The following PCDH15 variants were observed in gnomAD, a reference collection of about 807,000 sequenced individuals.
The protein encoded by PCDH15 is protocadherin related 15.
In PCDH15, 129 loss-of-function variants were observed where a neutral mutation model predicts 178.5. That is an observed-to-expected ratio of 0.72 (90% CI 0.63 to 0.84). The LOEUF (loss-of-function observed/expected upper bound fraction) is 0.84. Among genes scored for constraint, PCDH15 ranks in the 40% least tolerant of loss-of-function variants. The pLI is 0.00. For synonymous variants in PCDH15, 800 were observed against 732.0 expected, an observed-to-expected ratio of 1.09 and a Z score of -1.50; for missense variants, 2,230 against 2,099.9, an observed-to-expected ratio of 1.06 and a Z score of -1.21.
chr10:54,253,175 A>G (rs1017419587), intron 8 of PCDH15, among the ~76,000 whole-genome samples: 5 of 152,122 alleles, frequency 3.3e-5, no homozygotes, highest in African/African-American at 1.2e-4. Flanking sequence ...AGAACTGGAG[A>G]AAATTTAAAA....
intron 21 of PCDH15, among the ~76,000 whole-genome samples, chr10:53,971,854 T>C (rs575778132): frequency 1.3e-5 from 2 of 152,220 alleles, no homozygotes; most frequent in South Asian, 2.1e-4. Context: ...ATGAAAATGG[T>C]CATACTGCCC....
chr10:54,842,102 C>T (rs533913862), intron 3 of PCDH15, among the ~76,000 whole-genome samples: 3 of 151,650 alleles, frequency 2.0e-5, no homozygotes, highest in African/African-American at 7.2e-5. Flanking sequence ...TCTTATGTAA[C>T]TACAAAATTC....
intron 2 of PCDH15, among the ~76,000 whole-genome samples, chr10:55,470,702 T>G (rs1231302106): frequency 6.6e-6 from 1 of 152,192 alleles, no homozygotes; most frequent in African/African-American, 2.4e-5. Context: ...AGTTGACTCT[T>G]GCTGTTGTAC....
intron 21 of PCDH15, among the ~76,000 whole-genome samples, chr10:53,971,048 G>T (rs989773133): frequency 6.6e-6 from 1 of 152,088 alleles, no homozygotes; most frequent in African/African-American, 2.4e-5. Flanking sequence ...ACAAAATACT[G>T]GAAAACCAAA....
intron 18 of PCDH15, among the ~76,000 whole-genome samples, chr10:54,054,833 C>G (rs1046075643): frequency 8.6e-5 from 13 of 151,810 alleles, no homozygotes; most frequent in Non-Finnish European, 1.8e-4. Context: ...TTTTCTTTAT[C>G]AGAATGAGTT....
intron 18 of PCDH15, among the ~76,000 whole-genome samples, chr10:54,031,860 G>A (rs1030159980): frequency 1.3e-5 from 2 of 152,032 alleles, no homozygotes; most frequent in Non-Finnish European, 2.9e-5. Flanking sequence ...TTCATTAAAT[G>A]TATTTACATA....
At chr10:54,646,550 C>T (rs751302847) in intron 2 of PCDH15, among the ~76,000 whole-genome samples, 8 of 152,152 alleles carry the variant, frequency 5.3e-5, no homozygotes, top group Non-Finnish European at 1.2e-4. Context: ...CATCATTGTA[C>T]TTTTGTGATT....
chr10:55,147,125 T>C (rs1936467), intron 2 of PCDH15, among the ~76,000 whole-genome samples: 136,182 of 151,300 alleles, frequency 0.9, 61,996 homozygotes, highest in Non-Finnish European at 0.97. Flanking sequence ...TAATGATTAA[T>C]GAAAGAAGAT....
chr10:54,920,237 G>A (rs535730030), intron 2 of PCDH15, among the ~76,000 whole-genome samples: 47 of 152,156 alleles, frequency 3.1e-4, no homozygotes, highest in African/African-American at 9.9e-4. Flanking sequence ...TTGGGAGGCC[G>A]AGGCGGGCAG....
intron 1 of PCDH15, among the ~76,000 whole-genome samples, chr10:55,201,995 C>T (rs2132159747): frequency 6.6e-6 from 1 of 152,062 alleles, no homozygotes; most frequent in South Asian, 2.1e-4. Context: ...TAGTAATTTC[C>T]TTGAAAGTGT....
At chr10:55,147,946 T>C (rs951905663) in intron 2 of PCDH15, among the ~76,000 whole-genome samples, 20 of 151,854 alleles carry the variant, frequency 1.3e-4, no homozygotes, top group African/African-American at 4.6e-4. Flanking sequence ...GGTAACTCAG[T>C]AGTAATTACT....
intron 8 of PCDH15, among the ~76,000 whole-genome samples, chr10:54,287,164 T>TA (rs779141038): frequency 3.9e-5 from 6 of 152,188 alleles, no homozygotes; most frequent in Non-Finnish European, 7.4e-5. Context: ...TGGTTAAATT[T>TA]ACTGACTTCT....
At chr10:54,231,018 T>TA (rs1422389094) in intron 9 of PCDH15, among the ~76,000 whole-genome samples, 2 of 152,198 alleles carry the variant, frequency 1.3e-5, no homozygotes, top group African/African-American at 4.8e-5. Context: ...ACATTTACAT[T>TA]AAAAATGGTC....
At chr10:55,473,334 A>T (rs1453233064) in intron 2 of PCDH15, among the ~76,000 whole-genome samples, 2 of 138,210 alleles carry the variant, frequency 1.4e-5, no homozygotes, top group Admixed American at 7.1e-5. Flanking sequence ...TAGGGTATAT[A>T]AAAAAAAAAA....
At chr10:54,233,205 A>G (rs1195554685) in intron 9 of PCDH15, among the ~76,000 whole-genome samples, 1 of 151,956 alleles carries the variant, frequency 6.6e-6, no homozygotes, top group East Asian at 1.9e-4. Flanking sequence ...CGGCCTCCCA[A>G]AATGTTGGAA....
rs1286676622 is a variant in PCDH15, at chr10:53,961,843, G to A, written c.2918C>T (p.Pro973Leu). ...VRYRVDDVQF[P>L]YPASIFEVEE... ...CACTTCAAAAATACTGGCAGGGTAA[G>A]GAAACTGTACATCATCTACTCTATA... is the stretch of plus-strand genomic sequence containing the variant. Residue 973 changes from proline (P) to leucine (L), a missense_variant, in exon 22 of 38, where the codon CCT becomes CTT. Pro to Leu is a moderately conservative substitution (Grantham distance 98). Transcript: ENST00000644397. The A allele has an allele frequency of 7.5e-6, 12 of 1,610,532 alleles. No individual in the cohort carries two copies. The highest frequency in any genetic ancestry group is 3.3e-4 in the Middle Eastern group (2 of 6,076).
chr10:54,464,746 A>G (rs1416896463), intron 3 of PCDH15, among the ~76,000 whole-genome samples: 1 of 152,146 alleles, frequency 6.6e-6, no homozygotes, highest in Admixed American at 6.6e-5. Flanking sequence ...TCTCCGGTTG[A>G]CCTTATTTCC....
intron 3 of PCDH15, among the ~76,000 whole-genome samples, chr10:54,453,305 C>T (rs2076600785): frequency 1.3e-5 from 2 of 152,084 alleles, no homozygotes; most frequent in South Asian, 4.1e-4. Flanking sequence ...CACATATACA[C>T]CATGGAATAC....
At chr10:54,106,695 A>G (rs1213378650) in intron 15 of PCDH15, among the ~76,000 whole-genome samples, 1 of 152,162 alleles carries the variant, frequency 6.6e-6, no homozygotes, top group Non-Finnish European at 1.5e-5. Flanking sequence ...ATCCACACAC[A>G]TAAGAAAATT....
Sources: gnomAD v4.1 joint callset for allele counts (sites outside exome capture counted in the v4.1 genomes callset) on GRCh38, gnomAD v4.1.1 for gene constraint, MANE v1.5 for transcripts, NCBI Gene and HGNC (gene_info 2026-07-23, HGNC 2026-07-21) for gene names.